Variants in ATP2B3 observed in about 807,000 individuals in gnomAD.
The protein encoded by ATP2B3 is plasma membrane calcium-transporting ATPase 3.
ATP2B3 carries 12 observed loss-of-function variants against 70.8 expected under a neutral mutation model. That is an observed-to-expected ratio of 0.17 (90% confidence interval 0.11 to 0.27). The LOEUF (loss-of-function observed/expected upper bound fraction) is 0.27. Ranked by LOEUF, ATP2B3 falls within the 10% of genes least tolerant of loss-of-function variation. The probability of loss-of-function intolerance (pLI) is 1.00; values close to 1 mark genes in which losing one functional copy is unlikely to be tolerated. For synonymous variants in ATP2B3, 460 were observed against 497.8 expected, an observed-to-expected ratio of 0.92 and a Z score of 1.01; for missense variants, 858 against 1,118.5, an observed-to-expected ratio of 0.77 and a Z score of 3.32.
In ATP2B3 at chrX:153,553,258, G is replaced by A; in HGVS notation, c.2047G>A (p.Val683Met). Residue 683 changes from valine (V) to methionine (M), a missense_variant, in exon 13 of 22, where the codon GTG becomes ATG. By Grantham distance (21) the Val-to-Met change is conservative. Transcript: ENST00000263519. ...AGCTGTCGTGGGCATTGAGGACCCT[G>A]TGCGGCCCGAGGTAGCCACCACCTT... ...CIAVVGIEDP[V>M]RPEVPEAIRK... The A allele has an allele frequency of 8.3e-7, 1 of 1,202,842 alleles. No individual in the cohort carries two copies. The highest frequency in any genetic ancestry group is 1.8e-5 in the South Asian group (1 of 56,498).
chrX:153,555,893 C>G (rs1338153664), intron 13 of ATP2B3, among the ~76,000 whole-genome samples, 156 bp from the exon 14 acceptor site: 1 of 112,955 alleles, frequency 8.9e-6, no homozygotes, highest in Non-Finnish European at 1.9e-5. Flanking sequence ...CAACTGTAGG[C>G]TAACACAAGT....
intron 20 of ATP2B3, among the ~76,000 whole-genome samples, chrX:153,563,201 G>A (rs1214819782): frequency 1.1e-5 from 1 of 88,459 alleles, no homozygotes; most frequent in Non-Finnish European, 2.1e-5. Flanking sequence ...GAGTGCAGTG[G>A]TACAATCACA....
chrX:153,556,839 A>G (rs2090544862), intron 15 of ATP2B3, 78 bp from the exon 16 acceptor site: 8 of 1,049,267 alleles, frequency 7.6e-6, no homozygotes, highest in Admixed American at 5.2e-5. Context: ...ACCTACCCCC[A>G]TAGCTCCCTG....
At chrX:153,556,458 C>T (rs1557013711) in intron 15 of ATP2B3, 40 bp downstream of exon 15, 1 of 1,154,072 alleles carries the variant, frequency 8.7e-7, no homozygotes, top group Non-Finnish European at 1.2e-6. Context: ...GGTGGCCAGC[C>T]CGAGGTTGTC....
chrX:153,559,579 A>G (rs1205639705), intron 17 of ATP2B3, 150 bp from the exon 18 acceptor site: 1 of 485,180 alleles, frequency 2.1e-6, no homozygotes, highest in East Asian at 3.7e-5. Flanking sequence ...ACTAGCGTAA[A>G]GGCGATGTAG....
chrX:153,530,749 G>C (rs2124349878), intron 2 of ATP2B3, among the ~76,000 whole-genome samples: 1 of 107,441 alleles, frequency 9.3e-6, no homozygotes, highest in South Asian at 4.3e-4. Flanking sequence ...AGGCATGAGA[G>C]CCACTTGTCA....
At chrX:153,568,720 C>T (rs138404298) in intron 21 of ATP2B3, among the ~76,000 whole-genome samples, 3 of 112,252 alleles carry the variant, frequency 2.7e-5, no homozygotes, top group Non-Finnish European at 3.8e-5. Context: ...TCATTTTGGC[C>T]GGTGCAGGGG....
At position 153,550,092 on chromosome X, in the gene ATP2B3, G is replaced by A. The variant is rs782650118; in HGVS notation, c.1629G>A (p.Thr543=). ...TCCCACGCCAGGTGGGCAATAAGAC[G>A]GAGTGCGCCCTGCTGGGCTTCGTCT... ...GALPRQVGNK[T]ECALLGFVLD... Residue 543 remains threonine (T), a synonymous_variant, in exon 12 of 22, where the codon ACG becomes ACA. Coordinates refer to ENST00000263519, the MANE Select transcript of ATP2B3 (RefSeq NM_001001344.3). 16 of 1,211,502 alleles carry A rather than the reference G, an allele frequency of 1.3e-5. No homozygotes were observed. The highest frequency in any genetic ancestry group is 8.8e-5 in the South Asian group (5 of 56,961).
At chrX:153,530,950 G>T (rs782255078) in intron 2 of ATP2B3, among the ~76,000 whole-genome samples, 14 of 112,491 alleles carry the variant, frequency 1.2e-4, no homozygotes, top group Non-Finnish European at 2.4e-4. Flanking sequence ...CGGTGCCTCT[G>T]AAATATTAAT....
chrX:153,556,902 T>G lies in ATP2B3; in HGVS notation c.2327-15T>G. ...AGATGGCCCCAGCCCTGCCCTGCCC[T>G]GATCTGTCTTCCAGGGATTATCGAC... On this transcript the variant is annotated splice_polypyrimidine_tract_variant and intron_variant, in intron 15 of 21. Transcript: ENST00000263519. 1 of 1,176,375 alleles carries G rather than the reference T, an allele frequency of 8.5e-7. No individual in the cohort carries two copies. Among genetic ancestry groups the G allele is most frequent in the Non-Finnish European group, 1.1e-6 (1 of 876,411 alleles).
At chrX:153,549,462 C>T (rs1557010339) in intron 10 of ATP2B3, 35 bp from the exon 11 acceptor site, 5 of 1,208,662 alleles carry the variant, frequency 4.1e-6, no homozygotes, top group South Asian at 1.8e-5. Flanking sequence ...CCAACAAGCA[C>T]CTGGGCCAAA....
chrX:153,531,163 T>A (rs1226127440), intron 2 of ATP2B3, among the ~76,000 whole-genome samples: 4 of 112,555 alleles, frequency 3.6e-5, no homozygotes, highest in African/African-American at 1.3e-4. Context: ...GTCTCCCAGG[T>A]GCACACCAGC....
Position 153,556,342 on chromosome X carries a change from G to A in ATP2B3, c.2250G>A (p.Glu750=). Residue 750 remains glutamate (E), a synonymous_variant, in exon 15 of 22, where the codon GAG becomes GAA. Coordinates refer to ENST00000263519, the MANE Select transcript of ATP2B3 (RefSeq NM_001001344.3). ...CTTCCCCTCCCCAGATAGAACAGGA[G>A]CGGCTGGACAAGGTGTGGCCCAAGC... The part of the protein sequence containing the change: ...IRNEKGEIEQ[E]RLDKVWPKLR... The A allele has an allele frequency of 8.3e-7, 1 of 1,207,518 alleles. No individual in the cohort carries two copies. The highest frequency in any genetic ancestry group is 1.1e-6 in the Non-Finnish European group (1 of 893,849).
Position 153,545,962 on chromosome X carries a change from C to G in ATP2B3, c.917-126C>G, listed in dbSNP as rs966840886. On this transcript the variant is annotated intron_variant, in intron 7 of 21. Transcript: ENST00000263519. ...TGCTGGGAGGTGGTGACGGGGTGAG[C>G]CTGGAGAGGACGGGGCATGAAGAAG... 4.2e-5 allele frequency: 29 copies of G among 696,300 alleles called. No individual in the cohort carries two copies. In the East Asian group the frequency reaches 1.0e-3, roughly 24 times the overall value. 57.4% of individuals were successfully genotyped at this position (696,300 alleles called of 1,213,427 possible).
rs1301057285 is a variant in ATP2B3, at chrX:153,559,823, C to T, written c.2720C>T (p.Ser907Leu). ...CTGGCGACGGAGCCACCCACAGAGT[C>T]GCTGCTGCTGCGGAAGCCGTACGGC... ...LALATEPPTE[S>L]LLLRKPYGRD... The change falls in exon 18 of 22, where the codon TCG becomes TTG. Residue 907 changes from serine to leucine, a missense_variant. By Grantham distance (145) the Ser-to-Leu change is moderately radical. This residue lies in a region of ATP2B3 where 265 missense variants were observed against 305.3 expected (regional missense o/e 0.87). Transcript: ENST00000263519. 3 of 1,210,373 alleles carry T rather than the reference C, an allele frequency of 2.5e-6. No individual in the cohort carries two copies. Among genetic ancestry groups the T allele is most frequent in the Non-Finnish European group, 3.4e-6 (3 of 895,288 alleles).
Position 153,580,116 on chromosome X carries a change from G to C in ATP2B3, c.3481G>C (p.Asp1161His), listed in dbSNP as rs782400729. 1 of 1,212,086 alleles carries C rather than the reference G, an allele frequency of 8.3e-7. No individual in the cohort carries two copies. The highest frequency in any genetic ancestry group is 3.0e-5 in the East Asian group (1 of 33,844). The change falls in exon 22 of 22, where the codon GAC becomes CAC. Residue 1161 changes from aspartate to histidine, a missense_variant. Around this residue, in one of 5 missense-constraint regions of ATP2B3, gnomAD observed 265 missense variants for 305.3 expected, o/e 0.87. Transcript: ENST00000263519. ...DYTHNIPLIDDTDVDENEERL... is the reference protein window; with the variant it reads ...DYTHNIPLIDHTDVDENEERL... Reference sequence around the variant, plus strand: ...CACCCACAACATCCCGCTCATTGACGACACGGACGTGGACGAGAACGAGGA... The same window carrying C: ...CACCCACAACATCCCGCTCATTGACCACACGGACGTGGACGAGAACGAGGA...
At chrX:153,532,092 C>G (rs2090126404) in intron 2 of ATP2B3, among the ~76,000 whole-genome samples, 1 of 112,420 alleles carries the variant, frequency 8.9e-6, no homozygotes, top group African/African-American at 3.2e-5. Context: ...AGGAGGCTTC[C>G]TGAGCCTCAG....
At chrX:153,544,873 C>T (rs1426378216) in intron 7 of ATP2B3, among the ~76,000 whole-genome samples, 2 of 112,796 alleles carry the variant, frequency 1.8e-5, no homozygotes, top group South Asian at 7.3e-4. Flanking sequence ...CTCCAGAGGC[C>T]TCCCAGGGCC....
chrX:153,581,594 C>G lies in ATP2B3; in HGVS notation c.*1296C>G, dbSNP rs782819742. On this transcript the variant is annotated 3_prime_UTR_variant, in exon 22 of 22. Coordinates refer to ENST00000263519, the MANE Select transcript of ATP2B3 (RefSeq NM_001001344.3). Reference sequence around the variant, plus strand: ...AGGGAGCGTCAGAAGCCCGGAGGAGCTGGTGGTGGGAGAATGACGGCAGGG... The same window carrying G: ...AGGGAGCGTCAGAAGCCCGGAGGAGGTGGTGGTGGGAGAATGACGGCAGGG... The G allele has an allele frequency of 1.8e-5, 2 of 112,844 alleles. No individual in the cohort carries two copies. Among genetic ancestry groups the G allele is most frequent in the Admixed American group, 9.3e-5 (1 of 10,741 alleles). 9.3% of individuals were successfully genotyped at this position (112,844 alleles called of 1,213,427 possible). A position where few individuals can be genotyped will look rare whatever the true frequency, so the allele number is the denominator to read the frequency against.
Sources: gnomAD v4.1 joint callset for allele counts (sites outside exome capture counted in the v4.1 genomes callset) on GRCh38, gnomAD v4.1.1 for gene constraint, gnomAD v4.1.1 regional missense constraint, MANE v1.5 for transcripts, NCBI Gene and HGNC (gene_info 2026-07-23, HGNC 2026-07-21) for gene names.